Variants in PRKG1 observed in about 807,000 individuals in gnomAD.
The protein encoded by PRKG1 is protein kinase cGMP-dependent 1, also known as cGMP-dependent protein kinase 1.
PRKG1 carries 35 observed loss-of-function variants against 88.1 expected under a neutral mutation model. The observed-to-expected ratio is 0.40, with a 90% confidence interval of 0.30 to 0.53. The LOEUF (loss-of-function observed/expected upper bound fraction) is 0.53, where lower values mean the gene tolerates loss of function less well. Ranked by LOEUF, PRKG1 falls within the 20% of genes least tolerant of loss-of-function variation. The probability of loss-of-function intolerance (pLI) is 0.59; values close to 1 mark genes in which losing one functional copy is unlikely to be tolerated. For synonymous variants in PRKG1, 303 were observed against 292.5 expected (o/e 1.04, Z -0.37); for missense variants, 540 against 839.8 (o/e 0.64, Z 4.41).
At chr10:52,140,101 C>T (rs572172909) in intron 8 of PRKG1, among the ~76,000 whole-genome samples, 75 of 152,230 alleles carry the variant, frequency 4.9e-4, no homozygotes, top group African/African-American at 1.8e-3. Flanking sequence ...ATCATTAAAA[C>T]ATGTAAAAAT....
chr10:51,276,172 T>G (rs1840111866), intron 2 of PRKG1, among the ~76,000 whole-genome samples: 2 of 151,972 alleles, frequency 1.3e-5, no homozygotes, highest in Admixed American at 1.3e-4. Context: ...TGTCCAAGCA[T>G]TCTCATTGTA....
At chr10:52,060,305 G>A (rs1430049379) in intron 6 of PRKG1, among the ~76,000 whole-genome samples, 1 of 151,644 alleles carries the variant, frequency 6.6e-6, no homozygotes, top group Non-Finnish European at 1.5e-5. Flanking sequence ...AAGATAATTG[G>A]GATAATACTT....
intron 3 of PRKG1, among the ~76,000 whole-genome samples, chr10:51,524,477 G>A (rs1409562515): frequency 6.6e-6 from 1 of 152,142 alleles, no homozygotes; most frequent in East Asian, 1.9e-4. Context: ...TGTCTGTGTA[G>A]CAATAAAAGT....
intron 2 of PRKG1, among the ~76,000 whole-genome samples, chr10:51,262,085 A>G (rs983323415): frequency 5.9e-5 from 9 of 151,352 alleles, no homozygotes; most frequent in Non-Finnish European, 1.2e-4. Flanking sequence ...ACGGGGTTTC[A>G]CTGTGTTAGC....
In PRKG1 at chr10:52,287,004, T is replaced by C. The variant is rs575103682; in HGVS notation, c.1710-1722T>C. Among the ~76,000 whole-genome samples, 5 of 152,004 alleles carry C rather than the reference T, an allele frequency of 3.3e-5. No homozygotes were observed. In the South Asian group the frequency reaches 6.2e-4, roughly 19 times the overall value. ...TTCTTCTAAATAATTTTGTTTTATA[T>C]ATTGAATGAATATTAGACTAACATG... On this transcript the variant is annotated intron_variant, in intron 14 of 17. Coordinates refer to ENST00000373980, the MANE Select transcript of PRKG1 (RefSeq NM_006258.4).
intron 2 of PRKG1, among the ~76,000 whole-genome samples, chr10:51,451,633 ATTATTC>A (rs888522458): frequency 2.6e-5 from 4 of 151,974 alleles, no homozygotes; most frequent in Admixed American, 1.3e-4. Context: ...CATCCAATAA[ATTATTC>A]TTTTCTCTTT....
intron 3 of PRKG1, among the ~76,000 whole-genome samples, chr10:51,471,731 G>T (rs571877650): frequency 1.1e-4 from 16 of 151,974 alleles, no homozygotes; most frequent in African/African-American, 3.6e-4. Flanking sequence ...CTCTTACTTT[G>T]AGTTTCAGCT....
chr10:51,096,285 G>A (rs1029380761), intron 1 of PRKG1, among the ~76,000 whole-genome samples: 18 of 152,104 alleles, frequency 1.2e-4, no homozygotes, highest in Admixed American at 4.6e-4. Flanking sequence ...TCTGGCCATT[G>A]AAGGTAGAAA....
At chr10:51,559,904 T>G (rs1837412591) in intron 3 of PRKG1, among the ~76,000 whole-genome samples, 1 of 152,120 alleles carries the variant, frequency 6.6e-6, no homozygotes, top group Non-Finnish European at 1.5e-5. Flanking sequence ...TTTATATTAT[T>G]GATAAATAAC....
intron 5 of PRKG1, among the ~76,000 whole-genome samples, chr10:52,002,164 T>C (rs1265297192): frequency 6.6e-6 from 1 of 152,162 alleles, no homozygotes; most frequent in African/African-American, 2.4e-5. Context: ...TATTATCCAA[T>C]TACTTGGCAA....
At chr10:51,526,530 C>T (rs1281315809) in intron 3 of PRKG1, among the ~76,000 whole-genome samples, 2 of 152,114 alleles carry the variant, frequency 1.3e-5, no homozygotes, top group Non-Finnish European at 2.9e-5. Flanking sequence ...TTCCAATGTA[C>T]CCTTCCCTAA....
intron 2 of PRKG1, among the ~76,000 whole-genome samples, chr10:51,219,085 A>G (rs1372724784): frequency 6.6e-6 from 1 of 152,206 alleles, no homozygotes; most frequent in Non-Finnish European, 1.5e-5. Flanking sequence ...CTTTCAAATT[A>G]TTTTTAATGA....
intron 5 of PRKG1, among the ~76,000 whole-genome samples, chr10:51,942,278 C>G (rs1309534257): frequency 2.0e-5 from 3 of 151,756 alleles, no homozygotes; most frequent in Non-Finnish European, 2.9e-5. Context: ...TCATGTCCTT[C>G]ACCCACTTTT....
intron 2 of PRKG1, among the ~76,000 whole-genome samples, chr10:51,273,059 A>T (rs920226444): frequency 1.3e-5 from 2 of 152,124 alleles, no homozygotes; most frequent in Admixed American, 1.3e-4. Flanking sequence ...GAATTTATAT[A>T]TTTTTTGTTG....
chr10:51,646,663 C>T (rs1308350221), intron 3 of PRKG1, among the ~76,000 whole-genome samples: 1 of 152,028 alleles, frequency 6.6e-6, no homozygotes, highest in African/African-American at 2.4e-5. Context: ...GAGAGGCAAA[C>T]ACTTGATATA....
chr10:51,599,618 A>G (rs1838545398), intron 3 of PRKG1, among the ~76,000 whole-genome samples: 1 of 152,136 alleles, frequency 6.6e-6, no homozygotes, highest in African/African-American at 2.4e-5. Context: ...CTCTGAGAAA[A>G]TGTTTTGTTC....
At position 51,123,421 on chromosome 10, in the gene PRKG1, C is replaced by T. The variant is rs1845312813; in HGVS notation, c.312-29743C>T. On this transcript the variant is annotated intron_variant, in intron 1 of 17. Coordinates refer to ENST00000373980, the MANE Select transcript of PRKG1 (RefSeq NM_006258.4). ...ATACCTGAGCCCGGGCCTGGTGGCT[C>T]ACGCCTGTAATCCCAGCACTTTGAG... is the stretch of plus-strand genomic sequence containing the variant. Among the ~76,000 whole-genome samples, 3 of 152,126 alleles carry T rather than the reference C, an allele frequency of 2.0e-5. 1 individual carries two copies. The South Asian group carries it at 6.2e-4, about 32-fold the overall frequency.
chr10:51,280,977 C>T (rs60849493), intron 2 of PRKG1, among the ~76,000 whole-genome samples: 20,673 of 152,072 alleles, frequency 0.14, 1,516 homozygotes, highest in East Asian at 0.19. Context: ...TGCTGTTTTT[C>T]CCCCATCTTT....
intron 4 of PRKG1, among the ~76,000 whole-genome samples, chr10:51,906,515 C>T (rs1842089927): frequency 6.6e-6 from 1 of 152,124 alleles, no homozygotes. Context: ...GTGGGAGCTT[C>T]TAGGTCATAG....
Sources: gnomAD v4.1 joint callset for allele counts (sites outside exome capture counted in the v4.1 genomes callset) on GRCh38, gnomAD v4.1.1 for gene constraint, MANE v1.5 for transcripts, NCBI Gene and HGNC (gene_info 2026-07-23, HGNC 2026-07-21) for gene names.